MYO1D: variants seen among roughly 807,000 people sequenced by gnomAD.
MYO1D encodes unconventional myosin-Id.
MYO1D carries 83 observed loss-of-function variants against 122.0 expected under a neutral mutation model. That is an observed-to-expected ratio of 0.68 (90% CI 0.57 to 0.82). The LOEUF is 0.82. Ranked by LOEUF, MYO1D falls within the 40% of genes least tolerant of loss-of-function variation. MYO1D has a pLI of 0.00. For synonymous variants in MYO1D, 464 were observed against 446.9 expected (o/e 1.04, Z -0.48); for missense variants, 1,157 against 1,269.5 (o/e 0.91, Z 1.35).
At chr17:32,600,509 A>G (rs151016128) in intron 21 of MYO1D, among the ~76,000 whole-genome samples, 17 of 152,330 alleles carry the variant, frequency 1.1e-4, no homozygotes, top group Admixed American at 7.2e-4. Context: ...GATCTTCTGA[A>G]TAACTTGCCA....
At chr17:32,789,156 C>G (rs537136390) in intron 1 of MYO1D, among the ~76,000 whole-genome samples, 1 of 152,000 alleles carries the variant, frequency 6.6e-6, no homozygotes, top group Non-Finnish European at 1.5e-5. Flanking sequence ...GATCTAGGAG[C>G]TTTTTTGATA....
rs528450969 is a variant in MYO1D at position 32,668,705 on chromosome 17, C to CTT, written c.2122-9369_2122-9368dup. On this transcript the variant is annotated intron_variant, in intron 16 of 21. Transcript: ENST00000318217. ...TTAGAAGCTCTGAGAATTTCTTTTT[C>CTT]TTTTTTTTTTTTTTGAGATGGAGTC... Among the ~76,000 whole-genome samples, 378 of 141,872 alleles carry CTT rather than the reference C, an allele frequency of 2.7e-3. 2 individuals are homozygous for CTT. The highest frequency in any genetic ancestry group is 9.3e-3 in the African/African-American group (362 of 38,850). 93.1% of individuals were successfully genotyped at this position (141,872 alleles called of 152,430 possible). A position where few individuals can be genotyped will look rare whatever the true frequency, so the allele number is the denominator to read the frequency against.
At chr17:32,585,782 T>C (rs897324710) in intron 21 of MYO1D, among the ~76,000 whole-genome samples, 1 of 149,102 alleles carries the variant, frequency 6.7e-6, no homozygotes, top group African/African-American at 2.5e-5. Flanking sequence ...TAAAATAAAA[T>C]AGTCTCGTAT....
At chr17:32,870,385 G>C (rs1403749325) in intron 1 of MYO1D, among the ~76,000 whole-genome samples, 5 of 152,080 alleles carry the variant, frequency 3.3e-5, no homozygotes, top group African/African-American at 9.7e-5. Flanking sequence ...AGACCACCCA[G>C]GGTATCTATG....
chr17:32,843,937 A>G (rs2090909300), intron 1 of MYO1D, among the ~76,000 whole-genome samples: 1 of 151,978 alleles, frequency 6.6e-6, no homozygotes, highest in African/African-American at 2.4e-5. Flanking sequence ...TGACTTCTTG[A>G]CTTCTTATTT....
chr17:32,605,925 C>CAA (rs113378300), intron 20 of MYO1D, among the ~76,000 whole-genome samples: 2 of 142,410 alleles, frequency 1.4e-5, no homozygotes, highest in African/African-American at 2.6e-5. Flanking sequence ...TACTGAAATA[C>CAA]AAAAAAAAAA....
chr17:32,826,252 T>C (rs1567660892), intron 1 of MYO1D, among the ~76,000 whole-genome samples: 2 of 151,986 alleles, frequency 1.3e-5, no homozygotes, highest in Non-Finnish European at 2.9e-5. Flanking sequence ...AACTTAACCA[T>C]ACAAGTCTAA....
intron 21 of MYO1D, among the ~76,000 whole-genome samples, chr17:32,523,805 A>G (rs2150868826): frequency 6.6e-6 from 1 of 151,868 alleles, no homozygotes; most frequent in South Asian, 2.1e-4. Flanking sequence ...AAAAAAAAAA[A>G]AAAAAAAGAG....
chr17:32,677,099 C>T (rs1476984974), intron 16 of MYO1D, among the ~76,000 whole-genome samples: 4 of 152,126 alleles, frequency 2.6e-5, no homozygotes, highest in African/African-American at 7.2e-5. Flanking sequence ...TGTGAGCCAC[C>T]GTGCCCGGCC....
At chr17:32,578,597 A>G (rs2087299807) in intron 21 of MYO1D, among the ~76,000 whole-genome samples, 1 of 152,238 alleles carries the variant, frequency 6.6e-6, no homozygotes, top group Non-Finnish European at 1.5e-5. Context: ...TAATACTCTA[A>G]AGATCAGACT....
chr17:32,835,802 G>A (rs747902820), intron 1 of MYO1D, among the ~76,000 whole-genome samples: 10 of 151,948 alleles, frequency 6.6e-5, no homozygotes, highest in Non-Finnish European at 1.0e-4. Context: ...CCTTTAGAAC[G>A]GTGGCACCTA....
chr17:32,494,630 AG>A lies in MYO1D; in HGVS notation c.*128del, dbSNP rs1029935972. 5.5e-6 allele frequency: 6 copies of A among 1,089,276 alleles called. No homozygotes were observed. Among genetic ancestry groups the A allele is most frequent in the African/African-American group, 3.2e-5 (2 of 62,620 alleles). The allele number at this position is 1,089,276 out of a possible 1,614,324, so 67.5% of individuals were successfully genotyped here. A position where few individuals can be genotyped will look rare whatever the true frequency, so the allele number is the denominator to read the frequency against. On this transcript the variant is annotated 3_prime_UTR_variant, in exon 22 of 22. Transcript: ENST00000318217. ...CAGAAAACCAGGAAGGAAATCTTAC[AG>A]GGGCGGGGCTCCTCTGGGAGGGGCC...
At chr17:32,856,007 C>T (rs1203001874) in intron 1 of MYO1D, among the ~76,000 whole-genome samples, 2 of 152,278 alleles carry the variant, frequency 1.3e-5, no homozygotes, top group East Asian at 1.9e-4. Flanking sequence ...ATTATAATGA[C>T]GGTACCGAAT....
chr17:32,861,139 G>A (rs975426703), intron 1 of MYO1D, among the ~76,000 whole-genome samples: 2 of 149,732 alleles, frequency 1.3e-5, no homozygotes, highest in Non-Finnish European at 3.0e-5. Flanking sequence ...CGCAACCTCA[G>A]CTCACTGCAA....
At chr17:32,520,085 G>A (rs1362043432) in intron 21 of MYO1D, among the ~76,000 whole-genome samples, 2 of 152,094 alleles carry the variant, frequency 1.3e-5, no homozygotes, top group Non-Finnish European at 2.9e-5. Flanking sequence ...TCCAGAAAAA[G>A]AAAATCAATC....
At chr17:32,560,764 CG>C (rs1367279599) in intron 21 of MYO1D, among the ~76,000 whole-genome samples, 1 of 150,760 alleles carries the variant, frequency 6.6e-6, no homozygotes, top group Non-Finnish European at 1.5e-5. Flanking sequence ...GGATTACAGG[CG>C]TGTGCCGTCA....
chr17:32,593,703 T>A (rs754549723), intron 21 of MYO1D, among the ~76,000 whole-genome samples: 6 of 152,186 alleles, frequency 3.9e-5, no homozygotes, highest in Non-Finnish European at 8.8e-5. Context: ...TTTGGGAAGT[T>A]GAGGCGGGAG....
At chr17:32,838,291 ATTCTTTTCCT>A (rs2090846424) in intron 1 of MYO1D, among the ~76,000 whole-genome samples, 1 of 152,210 alleles carries the variant, frequency 6.6e-6, no homozygotes, top group Non-Finnish European at 1.5e-5. Context: ...TTTATCAAAT[ATTCTTTTCCT>A]CTTCAGATTT....
At chr17:32,871,572 T>C (rs1375874098) in intron 1 of MYO1D, among the ~76,000 whole-genome samples, 4 of 152,222 alleles carry the variant, frequency 2.6e-5, no homozygotes, top group African/African-American at 9.7e-5. Context: ...TCAGACTGAA[T>C]AGATGCTTTA....
Sources: gnomAD v4.1 joint callset for allele counts (sites outside exome capture counted in the v4.1 genomes callset) on GRCh38, gnomAD v4.1.1 for gene constraint, MANE v1.5 for transcripts, NCBI Gene and HGNC (gene_info 2026-07-23, HGNC 2026-07-21) for gene names.